Variants in LRRC70 observed in about 807,000 individuals in gnomAD.
LRRC70 encodes the protein leucine rich repeat containing 70.
LRRC70 carries 31 observed loss-of-function variants against 42.4 expected under a neutral mutation model. The observed-to-expected ratio is 0.73, with a 90% CI of 0.55 to 0.99. LRRC70 has a LOEUF of 0.99. Ranked by LOEUF, LRRC70 falls within the 50% of genes least tolerant of loss-of-function variation. The pLI is 0.00. For synonymous variants in LRRC70, 270 were observed against 262.9 expected (o/e 1.03, Z -0.26); for missense variants, 643 against 707.5 (o/e 0.91, Z 1.03).
chr5:62,580,476 G>A lies in LRRC70; in HGVS notation c.1038G>A (p.Lys346=), dbSNP rs1156240679. Residue 346 remains lysine (K), a synonymous_variant, in exon 2 of 2, where the codon AAG becomes AAA. Coordinates refer to ENST00000334994, the MANE Select transcript of LRRC70 (RefSeq NM_181506.5). The part of the protein sequence containing the change: ...NLTALHPRVL[K]PLSSLIHLQA... ...CAGCCTTGCATCCAAGGGTCCTTAA[G>A]CCGTTGTCTTCATTGATTCATCTTC... The A allele has an allele frequency of 2.6e-6, 4 of 1,551,256 alleles. No individual in the cohort carries two copies. The highest frequency in any genetic ancestry group is 4.9e-5 in the East Asian group (2 of 40,936).
In LRRC70 at chr5:62,579,981, T is replaced by C. The variant is rs1230900308; in HGVS notation, c.543T>C (p.Ala181=). 2.6e-6 allele frequency: 4 copies of C among 1,551,316 alleles called. No individual in the cohort carries two copies. The highest frequency in any genetic ancestry group is 2.6e-6 in the Non-Finnish European group (3 of 1,146,742). ...LGSGTFVGMV[A]LRILDLSNNN... is the part of the protein sequence containing the mutation. ...GTGGTACCTTTGTTGGTATGGTTGC[T>C]CTTCGGATACTTGATTTATCAAACA... Residue 181 remains alanine (A), a synonymous_variant, in exon 2 of 2, where the codon GCT becomes GCC. Coordinates refer to ENST00000334994, the MANE Select transcript of LRRC70 (RefSeq NM_181506.5).
Position 62,580,360 on chromosome 5 carries a change from G to A in LRRC70, c.922G>A (p.Asp308Asn). Residue 308 changes from aspartate to asparagine, a missense_variant, in exon 2 of 2, where the codon GAT becomes AAT. Coordinates refer to ENST00000334994, the MANE Select transcript of LRRC70 (RefSeq NM_181506.5). ...LLKNLIYLKL[D>N]RNRIISIDND... Reference sequence around the variant, plus strand: ...AAAGAATTTAATTTACCTTAAGTTAGATAGAAACAGAATAATTAGCATTGA... The same window carrying A: ...AAAGAATTTAATTTACCTTAAGTTAAATAGAAACAGAATAATTAGCATTGA... The A allele has an allele frequency of 6.5e-7, 1 of 1,546,008 alleles. No individual in the cohort carries two copies. The highest frequency in any genetic ancestry group is 8.8e-7 in the Non-Finnish European group (1 of 1,141,978).
Position 62,580,260 on chromosome 5 carries a change from A to G in LRRC70, c.822A>G (p.Gly274=), listed in dbSNP as rs1744499111. ...ATGTTACTAGGGATGGGTTTAGTGG[A>G]ATTAATAATCTTAAACATTTGATCT... The part of the protein sequence containing the change: ...IRNVTRDGFS[G]INNLKHLILS... Residue 274 remains glycine, a synonymous_variant, in exon 2 of 2, where the codon GGA becomes GGG. Transcript: ENST00000334994. The G allele has an allele frequency of 1.7e-5, 27 of 1,543,982 alleles. No individual in the cohort carries two copies. Among genetic ancestry groups the G allele is most frequent in the Non-Finnish European group, 2.2e-5 (25 of 1,140,152 alleles).
At position 62,581,064 on chromosome 5, in the gene LRRC70, C is replaced by T; in HGVS notation, c.1626C>T (p.Ile542=). 1 of 1,549,654 alleles carries T rather than the reference C, an allele frequency of 6.5e-7. No individual in the cohort carries two copies. Among genetic ancestry groups the T allele is most frequent in the South Asian group, 1.2e-5 (1 of 83,558 alleles). Residue 542 remains isoleucine (I), a synonymous_variant, in exon 2 of 2, where the codon ATC becomes ATT. Transcript: ENST00000334994. ...TTTTCATCTTAGCTTGTGTTTTAATCATTTTTTTGATCTACAAAGTTGTTC... is the reference window on the plus strand; with the variant it reads ...TTTTCATCTTAGCTTGTGTTTTAATTATTTTTTTGATCTACAAAGTTGTTC... ...LAFFILACVL[I]IFLIYKVVQF... is the part of the protein sequence containing the mutation.
Position 62,580,721 on chromosome 5 carries a change from C to CT in LRRC70, c.1284dup (p.Ala429CysfsTer8), listed in dbSNP as rs1744518884. ...TCTCCTCATATTCATCACAAGACTA[C>CT]TGCGCTAATGATGGCCTGGCATAAA... is the stretch of plus-strand genomic sequence containing the variant. On this transcript the variant is annotated frameshift_variant, in exon 2 of 2. Coordinates refer to ENST00000334994, the MANE Select transcript of LRRC70 (RefSeq NM_181506.5). LOFTEE classifies it high-confidence loss of function. 1.3e-6 allele frequency: 2 copies of CT among 1,551,414 alleles called. No homozygotes were observed. The highest frequency in any genetic ancestry group is 1.7e-6 in the Non-Finnish European group (2 of 1,146,806).
rs1744475125 is a variant in LRRC70 at position 62,579,826 on chromosome 5, G to C, written c.388G>C (p.Gly130Arg). 1 of 1,546,060 alleles carries C rather than the reference G, an allele frequency of 6.5e-7. No homozygotes were observed. Among genetic ancestry groups the C allele is most frequent in the Non-Finnish European group, 8.7e-7 (1 of 1,143,188 alleles). Residue 130 changes from glycine (G) to arginine (R), a missense_variant, in exon 2 of 2, where the codon GGA becomes CGA. Coordinates refer to ENST00000334994, the MANE Select transcript of LRRC70 (RefSeq NM_181506.5). ...ACGCTTAGATCCTGGAATATTTAAG[G>C]GACTTTTAAATCTTCGTAATTTATA... is the stretch of plus-strand genomic sequence containing the variant. The part of the protein sequence containing the change: ...IKRLDPGIFK[G>R]LLNLRNLYLQ...
chr5:62,581,401 T>C lies in LRRC70; in HGVS notation c.*94T>C, dbSNP rs1744555587. ...TAATTATATACTTTAGTTGGAAATA[T>C]AATGAATTATATGAGGTTAGCATTA... On this transcript the variant is annotated 3_prime_UTR_variant, in exon 2 of 2. Transcript: ENST00000334994. 3.2e-6 allele frequency: 3 copies of C among 944,058 alleles called. No homozygotes were observed. Among genetic ancestry groups the C allele is most frequent in the Non-Finnish European group, 3.0e-6 (2 of 657,200 alleles). The allele number at this position is 944,058 out of a possible 1,614,324, so 58.5% of individuals were successfully genotyped here.
At position 62,581,408 on chromosome 5, in the gene LRRC70, TTA is replaced by T; in HGVS notation, c.*105_*106del. The T allele has an allele frequency of 1.1e-6, 1 of 880,888 alleles. No homozygotes were observed. The allele number at this position is 880,888 out of a possible 1,614,324, so 54.6% of individuals were successfully genotyped here. On this transcript the variant is annotated 3_prime_UTR_variant, in exon 2 of 2. Transcript: ENST00000334994. ...ATACTTTAGTTGGAAATATAATGAA[TTA>T]TATGAGGTTAGCATTATTAAAATAT...
intron 1 of LRRC70, 123 bp from the exon 2 acceptor site, chr5:62,579,278 A>G: frequency 7.3e-6 from 5 of 682,424 alleles, no homozygotes; most frequent in South Asian, 3.6e-5. Flanking sequence ...TTACCATGGT[A>G]TGATTTATGA....
In LRRC70 at chr5:62,579,540, T is replaced by G. The variant is rs1317785186; in HGVS notation, c.102T>G (p.Ser34=). ...ACAAAGAAATACTTGGATGTTCGTC[T>G]GTTTGTCAGCTCTGCACTGGGAGAC... ...LLHKEILGCS[S]VCQLCTGRQI... is the part of the protein sequence containing the mutation. Residue 34 remains serine (S), a synonymous_variant, in exon 2 of 2, where the codon TCT becomes TCG. Coordinates refer to ENST00000334994, the MANE Select transcript of LRRC70 (RefSeq NM_181506.5). 1.3e-6 allele frequency: 2 copies of G among 1,551,150 alleles called. No individual in the cohort carries two copies. Among genetic ancestry groups the G allele is most frequent in the Admixed American group, 3.9e-5 (2 of 50,966 alleles).
Position 62,581,301 on chromosome 5 carries a change from T to G in LRRC70, c.1863T>G (p.Ala621=). 1 of 1,507,036 alleles carries G rather than the reference T, an allele frequency of 6.6e-7. No individual in the cohort carries two copies. The highest frequency in any genetic ancestry group is 8.8e-7 in the Non-Finnish European group (1 of 1,132,148). The allele number at this position is 1,507,036 out of a possible 1,614,324, so 93.4% of individuals were successfully genotyped here. A position where few individuals can be genotyped will look rare whatever the true frequency, so the allele number is the denominator to read the frequency against. The change falls in exon 2 of 2, where the codon GCT becomes GCG. Residue 621 remains alanine (A), a synonymous_variant. Transcript: ENST00000334994. ...AGGTCATTCTTTTTGAACATTCTGCTTTATAACTCAACTAAATATTGTCTA... is the reference window on the plus strand; with the variant it reads ...AGGTCATTCTTTTTGAACATTCTGCGTTATAACTCAACTAAATATTGTCTA... ...EAQVILFEHS[A]L
At position 62,580,687 on chromosome 5, in the gene LRRC70, G is replaced by T. The variant is rs752263397; in HGVS notation, c.1249G>T (p.Val417Phe). 6.4e-7 allele frequency: 1 copy of T among 1,551,458 alleles called. No homozygotes were observed. Among genetic ancestry groups the T allele is most frequent in the Non-Finnish European group, 8.7e-7 (1 of 1,146,840 alleles). Residue 417 changes from valine to phenylalanine, a missense_variant, in exon 2 of 2, where the codon GTT becomes TTT. Transcript: ENST00000334994. ...SSINVSRAWA[V>F]VKSPHIHHKT... The stretch of plus-strand genomic sequence containing the variant: ...AATAAATGTATCCAGAGCTTGGGCT[G>T]TTGTAAAATCTCCTCATATTCATCA...
intron 1 of LRRC70, 51 bp from the exon 2 acceptor site, chr5:62,579,350 T>C (rs1744450613): frequency 8.4e-7 from 1 of 1,186,596 alleles, no homozygotes; most frequent in Non-Finnish European, 1.2e-6. Context: ...ATAAAAAAAA[T>C]TCATTTGATG....
intron 1 of LRRC70, 43 bp from the exon 2 acceptor site, chr5:62,579,358 A>T: frequency 2.3e-6 from 3 of 1,292,684 alleles, no homozygotes; most frequent in South Asian, 2.6e-5. Context: ...AATTCATTTG[A>T]TGAAGTTTTC....
chr5:62,581,426 A>G lies in LRRC70; in HGVS notation c.*119A>G. 2 of 807,716 alleles carry G rather than the reference A, an allele frequency of 2.5e-6. No individual in the cohort carries two copies. Among genetic ancestry groups the G allele is most frequent in the Non-Finnish European group, 1.8e-6 (1 of 541,046 alleles). The allele number at this position is 807,716 out of a possible 1,614,324, so 50.0% of individuals were successfully genotyped here. Reference sequence around the variant, plus strand: ...TAATGAATTATATGAGGTTAGCATTATTAAAATATGTTTTTAATAATTTGT... The same window carrying G: ...TAATGAATTATATGAGGTTAGCATTGTTAAAATATGTTTTTAATAATTTGT... On this transcript the variant is annotated 3_prime_UTR_variant, in exon 2 of 2. Transcript: ENST00000334994.
rs780798979 is a variant in LRRC70, at chr5:62,580,298, A to T, written c.860A>T (p.Asp287Val). The T allele has an allele frequency of 3.9e-6, 6 of 1,537,610 alleles. No homozygotes were observed. In the South Asian group the frequency reaches 7.2e-5, roughly 18 times the overall value. Residue 287 changes from aspartate to valine, a missense_variant, in exon 2 of 2, where the codon GAT becomes GTT. By Grantham distance (152) the Asp-to-Val change is radical. Coordinates refer to ENST00000334994, the MANE Select transcript of LRRC70 (RefSeq NM_181506.5). ...AAACATTTGATCTTAAGTCATAATG[A>T]TTTAGAGAATTTAAATTCTGACACA... Reference protein sequence around the residue: ...NLKHLILSHNDLENLNSDTFS... With the variant: ...NLKHLILSHNVLENLNSDTFS...
chr5:62,579,341 T>TA (rs979142366), intron 1 of LRRC70, 60 bp from the exon 2 acceptor site: 22 of 1,059,736 alleles, frequency 2.1e-5, no homozygotes, highest in South Asian at 2.8e-5. Context: ...TATAGTATTA[T>TA]AAAAAAAATT....
Position 62,579,475 on chromosome 5 carries a change from CTG to C in LRRC70, c.39_40del (p.Phe14SerfsTer31). 6.4e-7 allele frequency: 1 copy of C among 1,550,808 alleles called. No individual in the cohort carries two copies. The highest frequency in any genetic ancestry group is 1.2e-5 in the South Asian group (1 of 84,008). On this transcript the variant is annotated frameshift_variant, in exon 2 of 2. Transcript: ENST00000334994. LOFTEE classifies it high-confidence loss of function. Reference sequence around the variant, plus strand: ...ACAGTTTTCTCTGCCTTGCCTACGACTGTTTCTGGTTGTTACCTGTTATCTTT... The same window carrying C: ...ACAGTTTTCTCTGCCTTGCCTACGACTTTCTGGTTGTTACCTGTTATCTTT... Reference protein sequence around the residue: ...GLQFSLPCLRLFLVVTCYLLL... With the variant: ...GLQFSLPCLRXFLVVTCYLLL...
chr5:62,581,148 C>G lies in LRRC70; in HGVS notation c.1710C>G (p.Tyr570Ter). 4 of 1,550,858 alleles carry G rather than the reference C, an allele frequency of 2.6e-6. No individual in the cohort carries two copies. Among genetic ancestry groups the G allele is most frequent in the Non-Finnish European group, 3.5e-6 (4 of 1,146,680 alleles). The change falls in exon 2 of 2, where the codon TAC (tyrosine) becomes TAG (stop). Residue 570 changes from tyrosine to a stop codon, truncating the protein, a stop_gained. Coordinates refer to ENST00000334994, the MANE Select transcript of LRRC70 (RefSeq NM_181506.5). LOFTEE classifies it high-confidence loss of function. Reference protein sequence around the residue: ...ENSRENRLEYYSFYQSARYNV... With the variant: ...ENSRENRLEY ...CAAGGGAAAATAGACTTGAATACTACAGCTTTTATCAGTCAGCAAGGTATA... is the reference window on the plus strand; with the variant it reads ...CAAGGGAAAATAGACTTGAATACTAGAGCTTTTATCAGTCAGCAAGGTATA...
Sources: gnomAD v4.1 joint callset for allele counts on GRCh38, gnomAD v4.1.1 for gene constraint, MANE v1.5 for transcripts, NCBI Gene and HGNC (gene_info 2026-07-23, HGNC 2026-07-21) for gene names.